The following SMURF1 variants were observed in gnomAD, a reference collection of about 807,000 sequenced individuals.
SMURF1 encodes the protein SMAD specific E3 ubiquitin protein ligase 1.
In SMURF1, 44 loss-of-function variants were observed where a neutral mutation model predicts 98.0. That is an observed-to-expected ratio of 0.45 (90% CI 0.35 to 0.58). The LOEUF (loss-of-function observed/expected upper bound fraction) is 0.58, where lower values mean the gene tolerates loss of function less well. Ranked by LOEUF, SMURF1 falls within the 20% of genes least tolerant of loss-of-function variation. The pLI, the probability that SMURF1 is intolerant of heterozygous loss-of-function variation, is 0.00. For synonymous variants in SMURF1, 396 were observed against 374.9 expected, an observed-to-expected ratio of 1.06 and a Z score of -0.65; for missense variants, 687 against 938.4, an observed-to-expected ratio of 0.73 and a Z score of 3.50.
Position 99,027,470 on chromosome 7 carries a change from A to C in SMURF1, c.*3114T>G, listed in dbSNP as rs550677442. The C allele has an allele frequency of 2.0e-5, 3 of 152,778 alleles. No individual in the cohort carries two copies. The highest frequency in any genetic ancestry group is 7.2e-5 in the African/African-American group (3 of 41,586). 9.5% of individuals were successfully genotyped at this position (152,778 alleles called of 1,614,324 possible). ...TCGTGAGTTTATTGCATATGTAACA[A>C]AATGAACCTGACCTCCTGGGCCCAG... On this transcript the variant is annotated 3_prime_UTR_variant, in exon 18 of 18. Coordinates refer to ENST00000361368, the MANE Select transcript of SMURF1 (RefSeq NM_181349.3).
intron 1 of SMURF1, among the ~76,000 whole-genome samples, chr7:99,110,130 T>C (rs2150602899): frequency 6.6e-6 from 1 of 152,278 alleles, no homozygotes; most frequent in South Asian, 2.1e-4. Flanking sequence ...GTAAGATAAC[T>C]GGGAACACAA....
intron 3 of SMURF1, among the ~76,000 whole-genome samples, chr7:99,058,335 G>A (rs1165602682): frequency 1.3e-5 from 2 of 151,850 alleles, no homozygotes; most frequent in Non-Finnish European, 2.9e-5. Flanking sequence ...TCACCATGTT[G>A]GCCAGGCTGG....
intron 1 of SMURF1, among the ~76,000 whole-genome samples, chr7:99,118,372 T>C (rs1797510105): frequency 1.3e-5 from 2 of 152,234 alleles, no homozygotes; most frequent in African/African-American, 2.4e-5. Flanking sequence ...AGCAGCATGA[T>C]TCCCAATAGC....
At chr7:99,046,210 A>AGCATTCAGAC (rs1795568942) in intron 10 of SMURF1, among the ~76,000 whole-genome samples, 1 of 152,198 alleles carries the variant, frequency 6.6e-6, no homozygotes, top group Non-Finnish European at 1.5e-5. Flanking sequence ...GCCTCTCTTT[A>AGCATTCAGAC]TATCTAAAGT....
At chr7:99,033,223 C>G in intron 16 of SMURF1, 102 bp from the exon 17 acceptor site, 1 of 1,163,792 alleles carries the variant, frequency 8.6e-7, no homozygotes, top group Non-Finnish European at 1.2e-6. Flanking sequence ...ATTCCCACCC[C>G]CACACCCAGG....
Position 99,073,102 on chromosome 7 carries a change from T to A in SMURF1, c.56-11265A>T, listed in dbSNP as rs553097860. ...ACAACTGAGCATTAGAATGAAAACATTTTGGTGGCTCATGCCTGTAATCCC... is the reference window on the plus strand; with the variant it reads ...ACAACTGAGCATTAGAATGAAAACAATTTGGTGGCTCATGCCTGTAATCCC... On this transcript the variant is annotated intron_variant, in intron 1 of 17. Transcript: ENST00000361368. Among the ~76,000 whole-genome samples the A allele has an allele frequency of 2.6e-5, 4 of 152,136 alleles. No homozygotes were observed. The East Asian group carries it at 7.7e-4, about 29-fold the overall frequency.
chr7:99,104,032 G>A (rs1016368220), intron 1 of SMURF1, among the ~76,000 whole-genome samples: 3 of 151,778 alleles, frequency 2.0e-5, no homozygotes, highest in Admixed American at 6.6e-5. Flanking sequence ...GATTACATGC[G>A]TGCGTCACCA....
At chr7:99,031,156 C>T (rs1256875288) in intron 17 of SMURF1, among the ~76,000 whole-genome samples, 1 of 152,208 alleles carries the variant, frequency 6.6e-6, no homozygotes, top group Non-Finnish European at 1.5e-5. Flanking sequence ...GTAACCTAGA[C>T]TGGCTGTCAG....
At chr7:99,038,242 C>G in intron 14 of SMURF1, 146 bp downstream of exon 14, 1 of 993,472 alleles carries the variant, frequency 1.0e-6, no homozygotes. Context: ...CTGTCGGTTT[C>G]TGAAAGTCGC....
intron 1 of SMURF1, among the ~76,000 whole-genome samples, chr7:99,132,843 T>C (rs1475917275): frequency 3.9e-5 from 6 of 152,030 alleles, no homozygotes; most frequent in African/African-American, 1.4e-4. Flanking sequence ...TATGGCAGGA[T>C]CACAGAGGGA....
At chr7:99,076,860 TGTGTGC>T (rs1796473553) in intron 1 of SMURF1, among the ~76,000 whole-genome samples, 1 of 151,948 alleles carries the variant, frequency 6.6e-6, no homozygotes, top group Non-Finnish European at 1.5e-5. Context: ...CACGTGCATG[TGTGTGC>T]GTGTGCCTGC....
At chr7:99,127,350 G>C (rs1267349581) in intron 1 of SMURF1, among the ~76,000 whole-genome samples, 1 of 152,034 alleles carries the variant, frequency 6.6e-6, no homozygotes, top group African/African-American at 2.4e-5. Context: ...GTGAGAAAAG[G>C]AAGAGGCATT....
chr7:99,073,898 T>C (rs1250309776), intron 1 of SMURF1, among the ~76,000 whole-genome samples: 1 of 152,254 alleles, frequency 6.6e-6, no homozygotes, highest in African/African-American at 2.4e-5. Flanking sequence ...CTAATAGTTC[T>C]TTTATTGATT....
At chr7:99,073,375 C>A (rs1348545722) in intron 1 of SMURF1, among the ~76,000 whole-genome samples, 5 of 141,124 alleles carry the variant, frequency 3.5e-5, no homozygotes, top group Non-Finnish European at 7.6e-5. Context: ...GAGACTCCAT[C>A]TCAAAAAAAA....
At chr7:99,137,799 T>C (rs577690046) in intron 1 of SMURF1, among the ~76,000 whole-genome samples, 15 of 152,278 alleles carry the variant, frequency 9.9e-5, no homozygotes, top group Non-Finnish European at 5.9e-5. Flanking sequence ...GAGGGTGTTT[T>C]TTCCCCCATT....
At chr7:99,066,328 G>T (rs1225878124) in intron 1 of SMURF1, among the ~76,000 whole-genome samples, 1 of 152,144 alleles carries the variant, frequency 6.6e-6, no homozygotes, top group Non-Finnish European at 1.5e-5. Context: ...TTTTGGAGGT[G>T]CTGGTGCTAG....
At chr7:99,143,227 G>C (rs1421857542) in intron 1 of SMURF1, among the ~76,000 whole-genome samples, 4 of 111,586 alleles carry the variant, frequency 3.6e-5, no homozygotes. Context: ...GAAGAGAAAG[G>C]ACCACAGGGA....
At position 99,038,408 on chromosome 7, in the gene SMURF1, C is replaced by A. The variant is rs757866662; in HGVS notation, c.1668G>T (p.Glu556Asp). The change falls in exon 14 of 18, where the codon GAG becomes GAT. Residue 556 changes from glutamate to aspartate, a missense_variant. Transcript: ENST00000361368. ...ATTACCGGACGTATTCTTTCTTATT[C>A]TCCTCTGTGACTGGCACATTTCTGC... Reference protein sequence around the residue: ...PNGRNVPVTEENKKEYVRLYV... With the variant: ...PNGRNVPVTEDNKKEYVRLYV... 1 of 1,614,076 alleles carries A rather than the reference C, an allele frequency of 6.2e-7. No homozygotes were observed. Among genetic ancestry groups the A allele is most frequent in the Non-Finnish European group, 8.5e-7 (1 of 1,180,046 alleles).
chr7:99,052,699 C>T (rs960853348), intron 6 of SMURF1, among the ~76,000 whole-genome samples: 1 of 152,194 alleles, frequency 6.6e-6, no homozygotes, highest in Non-Finnish European at 1.5e-5. Context: ...ATAGGGTAGA[C>T]TGAAATGATT....
Sources: gnomAD v4.1 joint callset for allele counts (sites outside exome capture counted in the v4.1 genomes callset) on GRCh38, gnomAD v4.1.1 for gene constraint, MANE v1.5 for transcripts, NCBI Gene and HGNC (gene_info 2026-07-23, HGNC 2026-07-21) for gene names.